The following MALRD1 variants were observed in gnomAD, a reference collection of about 807,000 sequenced individuals.
The protein encoded by MALRD1 is MAM and LDL-receptor class A domain-containing protein 1.
A neutral mutation model predicts 242.1 loss-of-function variants in MALRD1; 247 were observed. That is an observed-to-expected ratio of 1.02 (90% CI 0.92 to 1.13). The LOEUF (loss-of-function observed/expected upper bound fraction) is 1.13. Among genes scored for constraint, MALRD1 ranks in the 50% most tolerant of loss-of-function variants. MALRD1 has a pLI of 0.00. For missense variants in MALRD1, 2,989 were observed against 2,533.1 expected, an observed-to-expected ratio of 1.18 and a Z score of -3.86; for synonymous variants, 995 against 866.6, an observed-to-expected ratio of 1.15 and a Z score of -2.60.
chr10:19,719,504 C>T (rs895563472), intron 38 of MALRD1, among the ~76,000 whole-genome samples: 2 of 151,856 alleles, frequency 1.3e-5, no homozygotes, highest in South Asian at 2.1e-4. Flanking sequence ...TAAACAGTGA[C>T]GGCTTTTGTG....
At position 19,158,361 on chromosome 10, in the gene MALRD1, A is replaced by C. The variant is rs139985990; in HGVS notation, c.1656+3189A>C. Among the ~76,000 whole-genome samples the C allele has an allele frequency of 4.7e-3, 718 of 152,310 alleles. 6 individuals are homozygous for C. Among genetic ancestry groups the C allele is most frequent in the Middle Eastern group, 0.017 (5 of 294 alleles). On this transcript the variant is annotated intron_variant, in intron 12 of 39. Coordinates refer to ENST00000454679, the MANE Select transcript of MALRD1 (RefSeq NM_001142308.3). ...CTCCAACTTGTTTTGCAATTACATT[A>C]ATATTCCTTCAGTAAAAGATAATTC...
chr10:19,336,052 C>G (rs1843600364), intron 24 of MALRD1, among the ~76,000 whole-genome samples: 1 of 151,920 alleles, frequency 6.6e-6, no homozygotes, highest in Non-Finnish European at 1.5e-5. Context: ...ACTTAGAAAT[C>G]CTTTGTAATA....
chr10:19,191,645 G>A (rs1835979879), intron 14 of MALRD1, among the ~76,000 whole-genome samples: 1 of 152,106 alleles, frequency 6.6e-6, no homozygotes, highest in Non-Finnish European at 1.5e-5. Flanking sequence ...GCATACAATG[G>A]AATGTTATTT....
intron 4 of MALRD1, among the ~76,000 whole-genome samples, chr10:19,095,060 A>T (rs975384875): frequency 3.9e-5 from 6 of 152,190 alleles, no homozygotes; most frequent in Non-Finnish European, 8.8e-5. Flanking sequence ...ATCTGTTATT[A>T]GAATGATATA....
chr10:19,445,252 C>T (rs1175787578), intron 28 of MALRD1, among the ~76,000 whole-genome samples: 2 of 152,166 alleles, frequency 1.3e-5, no homozygotes, highest in East Asian at 1.9e-4. Flanking sequence ...TGCGTTCGAA[C>T]ATCCTCCTTT....
At chr10:19,561,432 A>G (rs544494913) in intron 32 of MALRD1, among the ~76,000 whole-genome samples, 2 of 152,174 alleles carry the variant, frequency 1.3e-5, no homozygotes, top group Non-Finnish European at 2.9e-5. Context: ...GGCATCTTTA[A>G]CTATAATAGT....
chr10:19,412,679 T>A (rs1833325189), intron 28 of MALRD1, among the ~76,000 whole-genome samples: 1 of 152,178 alleles, frequency 6.6e-6, no homozygotes, highest in African/African-American at 2.4e-5. Context: ...GATGAACTCA[T>A]GGTGAAAAAT....
chr10:19,152,100 G>T (rs1444759116), intron 11 of MALRD1, among the ~76,000 whole-genome samples: 3 of 152,092 alleles, frequency 2.0e-5, no homozygotes. Context: ...TTTATATTGT[G>T]CTGGTCACAT....
chr10:19,412,592 A>G (rs547699909), intron 28 of MALRD1, among the ~76,000 whole-genome samples: 3 of 152,342 alleles, frequency 2.0e-5, no homozygotes, highest in African/African-American at 7.2e-5. Context: ...CAAATGTAGG[A>G]CCCTGGAATC....
At chr10:19,351,582 A>T (rs1291771892) in intron 25 of MALRD1, among the ~76,000 whole-genome samples, 1 of 152,162 alleles carries the variant, frequency 6.6e-6, no homozygotes, top group Non-Finnish European at 1.5e-5. Flanking sequence ...AAATAAAATA[A>T]TTTAAGTTTC....
chr10:19,657,118 T>G (rs1841195500), intron 36 of MALRD1, among the ~76,000 whole-genome samples: 1 of 152,162 alleles, frequency 6.6e-6, no homozygotes, highest in Non-Finnish European at 1.5e-5. Context: ...TCACAGTCTT[T>G]TCATTCCTTT....
intron 36 of MALRD1, among the ~76,000 whole-genome samples, chr10:19,630,522 G>T (rs75944125): frequency 0.018 from 2,797 of 152,138 alleles, 48 homozygotes; most frequent in East Asian, 0.035. Flanking sequence ...ATATTTTCCT[G>T]TTAGAGTGTT....
At chr10:19,128,177 G>A (rs906837186) in intron 7 of MALRD1, 44 bp from the exon 8 acceptor site, 38 of 1,200,510 alleles carry the variant, frequency 3.2e-5, no homozygotes, top group Middle Eastern at 2.1e-4. Context: ...ACAGAAAGAA[G>A]CTAATGTTTT....
At chr10:19,116,041 G>A (rs548185180) in intron 5 of MALRD1, among the ~76,000 whole-genome samples, 10 of 151,866 alleles carry the variant, frequency 6.6e-5, no homozygotes, top group South Asian at 2.1e-4. Context: ...AAACAATACC[G>A]TTCTAACCTC....
intron 22 of MALRD1, 32 bp from the exon 23 acceptor site, chr10:19,327,531 T>C (rs1360089612): frequency 4.7e-6 from 7 of 1,493,638 alleles, no homozygotes; most frequent in Non-Finnish European, 6.4e-6. Flanking sequence ...GATAAAATAC[T>C]TCAGTGCCTT....
intron 28 of MALRD1, among the ~76,000 whole-genome samples, chr10:19,448,429 A>T (rs1353414250): frequency 3.4e-5 from 5 of 148,862 alleles, no homozygotes; most frequent in Non-Finnish European, 5.9e-5. Flanking sequence ...AATAGTGTGT[A>T]TATATGTATA....
intron 5 of MALRD1, among the ~76,000 whole-genome samples, chr10:19,112,308 G>C (rs1836705428): frequency 6.6e-6 from 1 of 152,022 alleles, no homozygotes; most frequent in Non-Finnish European, 1.5e-5. Flanking sequence ...CAATCCTGGT[G>C]GTGGTGGTTG....
chr10:19,640,080 C>T (rs1005154406), intron 36 of MALRD1, among the ~76,000 whole-genome samples: 1 of 151,934 alleles, frequency 6.6e-6, no homozygotes, highest in Non-Finnish European at 1.5e-5. Flanking sequence ...GCTTCATTGT[C>T]TTCTTTTTTA....
At chr10:19,146,391 G>A in intron 11 of MALRD1, 47 bp downstream of exon 11, 1 of 1,200,720 alleles carries the variant, frequency 8.3e-7, no homozygotes, top group Non-Finnish European at 1.0e-6. Context: ...TTTCTTGCAT[G>A]TTGTGGAATG....
Sources: gnomAD v4.1 joint callset for allele counts (sites outside exome capture counted in the v4.1 genomes callset) on GRCh38, gnomAD v4.1.1 for gene constraint, MANE v1.5 for transcripts, NCBI Gene and HGNC (gene_info 2026-07-23, HGNC 2026-07-21) for gene names.